SYT1: variants seen among roughly 807,000 people sequenced by gnomAD.
SYT1 encodes synaptotagmin-1.
Under a neutral mutation model 44.8 loss-of-function variants are expected in SYT1, and 8 were observed. That is an observed-to-expected ratio of 0.18 (90% CI 0.10 to 0.32). The LOEUF (loss-of-function observed/expected upper bound fraction) is 0.32. Among genes scored for constraint, SYT1 ranks in the 10% least tolerant of loss-of-function variants. SYT1 has a pLI of 1.00. For synonymous variants in SYT1, 154 were observed against 188.8 expected (o/e 0.82, Z 1.51); for missense variants, 286 against 509.3 (o/e 0.56, Z 4.22).
At position 78,981,093 on chromosome 12, in the gene SYT1, G is replaced by A. The variant is rs564356280; in HGVS notation, c.-84+3162G>A. ...TGTATTCAATGGTTTGTTTGTTTTT[G>A]TGTTTTTTGTTGTTGTTTTGTTTGT... On this transcript the variant is annotated intron_variant, in intron 2 of 10. Transcript: ENST00000261205. Among the ~76,000 whole-genome samples, 13 of 146,668 alleles carry A rather than the reference G, an allele frequency of 8.9e-5. No homozygotes were observed. In the East Asian group the frequency reaches 2.4e-3, roughly 27 times the overall value.
chr12:79,390,531 T>G (rs1475551216), intron 9 of SYT1, among the ~76,000 whole-genome samples: 1 of 152,178 alleles, frequency 6.6e-6, no homozygotes, highest in Non-Finnish European at 1.5e-5. Flanking sequence ...TTTTTTTTAT[T>G]TTCAATTTAC....
intron 3 of SYT1, among the ~76,000 whole-genome samples, chr12:79,217,155 C>G (rs1874857309): frequency 6.6e-6 from 1 of 152,024 alleles, no homozygotes; most frequent in Non-Finnish European, 1.5e-5. Flanking sequence ...TGTATTTCAT[C>G]AAGAATTGTT....
intron 2 of SYT1, among the ~76,000 whole-genome samples, chr12:79,038,988 T>C (rs1012375631): frequency 2.6e-5 from 4 of 152,028 alleles, no homozygotes; most frequent in African/African-American, 9.7e-5. Context: ...CACTTTTAAA[T>C]GTCCAACATT....
chr12:78,986,386 G>GT (rs1196007149), intron 2 of SYT1, among the ~76,000 whole-genome samples: 3 of 151,304 alleles, frequency 2.0e-5, no homozygotes, highest in African/African-American at 4.8e-5. Flanking sequence ...TTAGTCAGTA[G>GT]TTTTTTTTGA....
intron 2 of SYT1, among the ~76,000 whole-genome samples, chr12:79,020,102 T>C (rs1321609928): frequency 1.3e-5 from 2 of 152,034 alleles, no homozygotes; most frequent in Non-Finnish European, 2.9e-5. Context: ...TTCCCTGATC[T>C]CTGTATTAAC....
chr12:79,146,330 T>C (rs1869912352), intron 3 of SYT1, among the ~76,000 whole-genome samples: 1 of 152,148 alleles, frequency 6.6e-6, no homozygotes. Flanking sequence ...AACAGTCCAT[T>C]GGAAGGACTG....
intron 1 of SYT1, among the ~76,000 whole-genome samples, chr12:78,880,258 C>A (rs1192485392): frequency 6.6e-6 from 1 of 151,490 alleles, no homozygotes; most frequent in East Asian, 2.0e-4. Flanking sequence ...CTTTGTTCTT[C>A]CCCTTCCCAC....
intron 2 of SYT1, among the ~76,000 whole-genome samples, chr12:79,003,341 G>A (rs1419566460): frequency 6.6e-6 from 1 of 151,870 alleles, no homozygotes; most frequent in East Asian, 1.9e-4. Context: ...TTAATGACTT[G>A]CAATCTTCAC....
intron 3 of SYT1, among the ~76,000 whole-genome samples, chr12:79,093,798 A>C (rs1175297595): frequency 2.6e-5 from 4 of 151,700 alleles, no homozygotes; most frequent in African/African-American, 9.7e-5. Flanking sequence ...TTACATACAG[A>C]ATTTTTTATC....
chr12:79,313,054 TC>T (rs1264437251), intron 8 of SYT1, among the ~76,000 whole-genome samples: 1 of 152,202 alleles, frequency 6.6e-6, no homozygotes, highest in Non-Finnish European at 1.5e-5. Context: ...TTTGCATAAG[TC>T]AGAAAAACTT....
intron 1 of SYT1, among the ~76,000 whole-genome samples, chr12:78,947,912 T>C (rs1344410410): frequency 6.6e-6 from 1 of 151,944 alleles, no homozygotes; most frequent in Non-Finnish European, 1.5e-5. Context: ...AAATATTTTA[T>C]TTTAATCTAT....
At chr12:79,409,500 T>G (rs1440934541) in intron 9 of SYT1, among the ~76,000 whole-genome samples, 1 of 152,142 alleles carries the variant, frequency 6.6e-6, no homozygotes, top group East Asian at 1.9e-4. Context: ...GTTCTGCTTG[T>G]GACCTAGAGT....
At chr12:78,874,216 T>C (rs1873954297) in intron 1 of SYT1, among the ~76,000 whole-genome samples, 1 of 151,584 alleles carries the variant, frequency 6.6e-6, no homozygotes, top group Non-Finnish European at 1.5e-5. Context: ...CTTCCCAGGG[T>C]CACATTATGT....
intron 4 of SYT1, among the ~76,000 whole-genome samples, chr12:79,239,792 C>T (rs1021934962): frequency 1.3e-5 from 2 of 152,164 alleles, no homozygotes; most frequent in African/African-American, 4.8e-5. Context: ...TTTTTCCAAG[C>T]TCTTTCAGAC....
At chr12:79,403,441 G>A (rs575442844) in intron 9 of SYT1, among the ~76,000 whole-genome samples, 4 of 152,154 alleles carry the variant, frequency 2.6e-5, no homozygotes, top group Non-Finnish European at 5.9e-5. Flanking sequence ...CTCTTCTTCA[G>A]GGGAGGTCTT....
rs1870974278 is a variant in SYT1, at chr12:79,450,208, C to A, written c.*1084C>A. On this transcript the variant is annotated 3_prime_UTR_variant, in exon 11 of 11. Coordinates refer to ENST00000261205, the MANE Select transcript of SYT1 (RefSeq NM_005639.3). ...GGAATGCAGGATATTTTTAACACAA[C>A]AATCTGTGCTTATTACACAAAATTA... 1 of 152,606 alleles carries A rather than the reference C, an allele frequency of 6.6e-6. No individual in the cohort carries two copies. The highest frequency in any genetic ancestry group is 2.4e-5 in the African/African-American group (1 of 41,528). 9.5% of individuals were successfully genotyped at this position (152,606 alleles called of 1,614,324 possible).
intron 3 of SYT1, among the ~76,000 whole-genome samples, chr12:79,152,408 T>G (rs1205596139): frequency 1.3e-5 from 2 of 152,110 alleles, no homozygotes; most frequent in East Asian, 3.9e-4. Flanking sequence ...GGAATCCTTA[T>G]GAAGTGAGAA....
intron 3 of SYT1, among the ~76,000 whole-genome samples, chr12:79,160,784 C>G (rs1248673305): frequency 6.6e-6 from 1 of 151,974 alleles, no homozygotes; most frequent in Non-Finnish European, 1.5e-5. Flanking sequence ...AGAATTGGTG[C>G]TGTGGCATAA....
chr12:79,200,773 A>G (rs542073157), intron 3 of SYT1, among the ~76,000 whole-genome samples: 1 of 152,168 alleles, frequency 6.6e-6, no homozygotes, highest in African/African-American at 2.4e-5. Flanking sequence ...TCAATATTAG[A>G]TTCCAACATA....
Sources: allele counts gnomAD v4.1 joint callset (sites outside exome capture counted in the v4.1 genomes callset), GRCh38; gene constraint gnomAD v4.1.1; transcripts MANE v1.5; gene names NCBI Gene and HGNC (gene_info 2026-07-23, HGNC 2026-07-21).